Variants in PCSK2 observed in about 807,000 individuals in gnomAD.
PCSK2 encodes proprotein convertase subtilisin/kexin type 2.
Under a neutral mutation model 69.7 loss-of-function variants are expected in PCSK2, and 14 were observed. The ratio of observed to expected loss-of-function variants is 0.20; its 90% CI spans 0.13 to 0.31. The LOEUF is 0.31. Among genes scored for constraint, PCSK2 ranks in the 10% least tolerant of loss-of-function variants. The probability of loss-of-function intolerance (pLI) is 1.00; values close to 1 mark genes in which losing one functional copy is unlikely to be tolerated. For missense variants in PCSK2, 544 were observed against 842.5 expected (o/e 0.65, Z 4.39); for synonymous variants, 307 against 320.7 (o/e 0.96, Z 0.46).
chr20:17,246,664 A>G (rs1262653745), intron 1 of PCSK2, among the ~76,000 whole-genome samples: 1 of 152,188 alleles, frequency 6.6e-6, no homozygotes, highest in Non-Finnish European at 1.5e-5. Flanking sequence ...GGTCCAACGC[A>G]TTCCATGGGG....
intron 2 of PCSK2, among the ~76,000 whole-genome samples, chr20:17,337,806 G>A (rs1883535): frequency 0.61 from 91,686 of 151,100 alleles, 28,946 homozygotes; most frequent in East Asian, 0.97. Flanking sequence ...GTGCATGCCT[G>A]TAGTCCCTGC....
chr20:17,473,648 T>C (rs2033242740), intron 11 of PCSK2, among the ~76,000 whole-genome samples: 1 of 152,066 alleles, frequency 6.6e-6, no homozygotes, highest in Non-Finnish European at 1.5e-5. Context: ...TGTAAGAAAA[T>C]CAGAAAATGC....
At chr20:17,395,436 A>G (rs934032761) in intron 5 of PCSK2, among the ~76,000 whole-genome samples, 1 of 152,130 alleles carries the variant, frequency 6.6e-6, no homozygotes, top group African/African-American at 2.4e-5. Context: ...TTTACTTTTT[A>G]TCATAAAAAT....
chr20:17,314,450 C>T (rs1207413672), intron 2 of PCSK2, among the ~76,000 whole-genome samples: 3 of 152,158 alleles, frequency 2.0e-5, no homozygotes, highest in African/African-American at 7.2e-5. Context: ...ATGTAGAAAC[C>T]TCATTGGTTT....
intron 2 of PCSK2, among the ~76,000 whole-genome samples, chr20:17,281,035 T>A (rs1988290008): frequency 6.6e-6 from 1 of 152,230 alleles, no homozygotes; most frequent in Non-Finnish European, 1.5e-5. Flanking sequence ...TTCTTTTTCC[T>A]GGAGACTTCT....
intron 2 of PCSK2, among the ~76,000 whole-genome samples, chr20:17,300,077 G>A (rs1420557954): frequency 2.0e-5 from 3 of 152,210 alleles, no homozygotes; most frequent in African/African-American, 7.2e-5. Context: ...GTGAAATGCT[G>A]AGATTTGCTC....
At chr20:17,235,674 C>T (rs2122939862) in intron 1 of PCSK2, among the ~76,000 whole-genome samples, 1 of 152,184 alleles carries the variant, frequency 6.6e-6, no homozygotes, top group Non-Finnish European at 1.5e-5. Flanking sequence ...TCTGTGTAAA[C>T]ACAGTGTCTG....
intron 2 of PCSK2, among the ~76,000 whole-genome samples, chr20:17,291,400 T>A (rs1988690160): frequency 6.6e-6 from 1 of 152,314 alleles, no homozygotes; most frequent in Non-Finnish European, 1.5e-5. Flanking sequence ...TTTGTTTTTG[T>A]TTACAGACAA....
At chr20:17,415,024 T>A (rs932401073) in intron 6 of PCSK2, among the ~76,000 whole-genome samples, 1 of 152,186 alleles carries the variant, frequency 6.6e-6, no homozygotes, top group African/African-American at 2.4e-5. Flanking sequence ...TAGATATTGA[T>A]GAAATGTATC....
intron 2 of PCSK2, among the ~76,000 whole-genome samples, chr20:17,274,821 C>T (rs144524328): frequency 5.3e-5 from 8 of 152,050 alleles, no homozygotes; most frequent in East Asian, 1.9e-4. Flanking sequence ...AGAAGACAAA[C>T]GAATTTTCCC....
intron 4 of PCSK2, among the ~76,000 whole-genome samples, chr20:17,364,044 G>A (rs895313177): frequency 4.0e-5 from 6 of 151,776 alleles, no homozygotes; most frequent in African/African-American, 9.7e-5. Flanking sequence ...GTTAAATGAC[G>A]AGTTAATGGG....
chr20:17,355,522 C>G (rs1247219185), intron 2 of PCSK2, among the ~76,000 whole-genome samples: 1 of 152,198 alleles, frequency 6.6e-6, no homozygotes, highest in Non-Finnish European at 1.5e-5. Flanking sequence ...AAGAGGCACT[C>G]TTGCTTCCAT....
chr20:17,394,945 C>T (rs1376756944), intron 5 of PCSK2, among the ~76,000 whole-genome samples: 1 of 152,208 alleles, frequency 6.6e-6, no homozygotes, highest in Non-Finnish European at 1.5e-5. Flanking sequence ...TTCTTCAGAA[C>T]AGTTGGGGAT....
chr20:17,349,689 G>A (rs2029915068), intron 2 of PCSK2, among the ~76,000 whole-genome samples: 1 of 151,998 alleles, frequency 6.6e-6, no homozygotes, highest in Non-Finnish European at 1.5e-5. Context: ...CTATAATAAA[G>A]GCAAGGTATC....
intron 2 of PCSK2, among the ~76,000 whole-genome samples, chr20:17,322,595 A>T (rs1989902719): frequency 6.6e-6 from 1 of 152,196 alleles, no homozygotes; most frequent in South Asian, 2.1e-4. Flanking sequence ...TATTTCTCAC[A>T]GTTCTGGAGG....
At chr20:17,401,540 G>A (rs1306020800) in intron 5 of PCSK2, among the ~76,000 whole-genome samples, 1 of 152,152 alleles carries the variant, frequency 6.6e-6, no homozygotes, top group Non-Finnish European at 1.5e-5. Context: ...GAATTTTGGA[G>A]GGACACCAAC....
intron 2 of PCSK2, among the ~76,000 whole-genome samples, chr20:17,352,264 G>T (rs2030016428): frequency 6.6e-6 from 1 of 152,142 alleles, no homozygotes; most frequent in Non-Finnish European, 1.5e-5. Flanking sequence ...TCATTAAAAT[G>T]GTCATACTGC....
chr20:17,338,172 G>T (rs201214212), intron 2 of PCSK2, among the ~76,000 whole-genome samples: 3,195 of 44,786 alleles, frequency 0.071, 139 homozygotes, highest in African/African-American at 0.15. Context: ...CATTTTTTTT[G>T]GGGGGGGGGG....
intron 1 of PCSK2, among the ~76,000 whole-genome samples, chr20:17,250,768 C>T (rs1986946018): frequency 6.6e-6 from 1 of 152,112 alleles, no homozygotes. Context: ...TACCCACTGG[C>T]ACTTAACAAC....
Sources: allele counts gnomAD v4.1 joint callset (sites outside exome capture counted in the v4.1 genomes callset), GRCh38; gene constraint gnomAD v4.1.1; transcripts MANE v1.5; gene names NCBI Gene and HGNC (gene_info 2026-07-23, HGNC 2026-07-21).